The following TSPAN7 variants were observed in gnomAD, a reference collection of about 807,000 sequenced individuals.
TSPAN7 encodes the protein tetraspanin-7.
Under a neutral mutation model 17.6 loss-of-function variants are expected in TSPAN7, and 1 was observed. The ratio of observed to expected loss-of-function variants is 0.06; its 90% CI spans 0.02 to 0.27. TSPAN7 has a LOEUF of 0.27. Among genes scored for constraint, TSPAN7 ranks in the 10% least tolerant of loss-of-function variants. TSPAN7 has a pLI of 1.00. For synonymous variants in TSPAN7, 78 were observed against 79.0 expected, an observed-to-expected ratio of 0.99 and a Z score of 0.07; for missense variants, 112 against 201.7, an observed-to-expected ratio of 0.56 and a Z score of 2.69.
At chrX:38,621,944 C>G (rs767831017) in intron 1 of TSPAN7, among the ~76,000 whole-genome samples, 1 of 112,149 alleles carries the variant, frequency 8.9e-6, no homozygotes, top group Non-Finnish European at 1.9e-5. Context: ...CCAGGGTATG[C>G]TGTATATAAG....
chrX:38,648,467 A>C (rs1156863609), intron 1 of TSPAN7, among the ~76,000 whole-genome samples: 2 of 111,759 alleles, frequency 1.8e-5, no homozygotes, highest in African/African-American at 6.5e-5. Flanking sequence ...TTTATTACTT[A>C]TAGTTGGGAT....
intron 1 of TSPAN7, among the ~76,000 whole-genome samples, chrX:38,650,186 G>C (rs986429952): frequency 8.9e-6 from 1 of 112,082 alleles, no homozygotes; most frequent in Non-Finnish European, 1.9e-5. Flanking sequence ...AAGTGCCAGC[G>C]GCTTGTGCTT....
At chrX:38,667,921 C>T (rs2069793469) in intron 2 of TSPAN7, among the ~76,000 whole-genome samples, 1 of 112,421 alleles carries the variant, frequency 8.9e-6, no homozygotes, top group Admixed American at 9.4e-5. Flanking sequence ...GTAGACTCCT[C>T]AGTGGTGGTG....
intron 5 of TSPAN7, among the ~76,000 whole-genome samples, chrX:38,680,305 G>C (rs1465486745): frequency 9.0e-6 from 1 of 110,573 alleles, no homozygotes; most frequent in Non-Finnish European, 1.9e-5. Context: ...GGGAAAACAT[G>C]GCTGGTTTTT....
At chrX:38,646,474 G>T (rs1232044276) in intron 1 of TSPAN7, among the ~76,000 whole-genome samples, 1 of 112,094 alleles carries the variant, frequency 8.9e-6, no homozygotes, top group Non-Finnish European at 1.9e-5. Flanking sequence ...GTTCTTAGCA[G>T]GGGCATGTCA....
chrX:38,685,736 C>T (rs989042788), intron 6 of TSPAN7, among the ~76,000 whole-genome samples: 1 of 112,056 alleles, frequency 8.9e-6, no homozygotes, highest in African/African-American at 3.2e-5. Context: ...ACAGCATTTA[C>T]ATTGTATTAG....
At chrX:38,562,194 G>C (rs1228555106) in intron 1 of TSPAN7, among the ~76,000 whole-genome samples, 1 of 111,934 alleles carries the variant, frequency 8.9e-6, no homozygotes, top group Non-Finnish European at 1.9e-5. Context: ...GCACGATGGG[G>C]AGCAGGCGTT....
At chrX:38,685,082 C>G (rs1310136263) in intron 6 of TSPAN7, among the ~76,000 whole-genome samples, 1 of 111,745 alleles carries the variant, frequency 8.9e-6, no homozygotes, top group Non-Finnish European at 1.9e-5. Flanking sequence ...GGTCTAAATG[C>G]TGCTAAGGTG....
At chrX:38,664,255 T>TC (rs1169515746) in intron 1 of TSPAN7, among the ~76,000 whole-genome samples, 1 of 111,902 alleles carries the variant, frequency 8.9e-6, no homozygotes, top group Non-Finnish European at 1.9e-5. Context: ...ATATTTTTTT[T>TC]CTCAATGGAA....
chrX:38,602,919 G>T lies in TSPAN7; in HGVS notation c.81+41292G>T, dbSNP rs192017076. Among the ~76,000 whole-genome samples the T allele has an allele frequency of 7.2e-5, 8 of 111,832 alleles. No individual in the cohort carries two copies. In the South Asian group the frequency reaches 2.6e-3, roughly 37 times the overall value. On this transcript the variant is annotated intron_variant, in intron 1 of 7. Transcript: ENST00000378482. Reference sequence around the variant, plus strand: ...CCTTGAGCTGAGTATTCGGGAATAAGTGGATATTCTGTACTACCGAACTAT... The same window carrying T: ...CCTTGAGCTGAGTATTCGGGAATAATTGGATATTCTGTACTACCGAACTAT...
chrX:38,631,594 GA>G (rs1397321549), intron 1 of TSPAN7, among the ~76,000 whole-genome samples: 1 of 111,363 alleles, frequency 9.0e-6, no homozygotes, highest in Non-Finnish European at 1.9e-5. Context: ...AACAGAAACA[GA>G]CAGCTATGGA....
intron 1 of TSPAN7, among the ~76,000 whole-genome samples, chrX:38,638,764 T>C (rs1302183375): frequency 8.9e-6 from 1 of 111,809 alleles, no homozygotes; most frequent in Non-Finnish European, 1.9e-5. Flanking sequence ...ACTCATGGGC[T>C]TCAGATTTTT....
At chrX:38,649,689 A>C (rs1346242531) in intron 1 of TSPAN7, among the ~76,000 whole-genome samples, 2 of 111,879 alleles carry the variant, frequency 1.8e-5, no homozygotes, top group Non-Finnish European at 3.8e-5. Context: ...TAATAGGTCT[A>C]TCACCACAGT....
intron 1 of TSPAN7, among the ~76,000 whole-genome samples, chrX:38,663,082 G>A (rs1024101196): frequency 3.7e-5 from 4 of 109,519 alleles, no homozygotes; most frequent in South Asian, 4.0e-4. Flanking sequence ...AGCACGATTC[G>A]CAATTGCAAA....
At chrX:38,581,103 C>T (rs771171103) in intron 1 of TSPAN7, among the ~76,000 whole-genome samples, 64 of 112,240 alleles carry the variant, frequency 5.7e-4, no homozygotes, top group Middle Eastern at 4.6e-3. Flanking sequence ...TTTTTGCTAT[C>T]GTCCCAGCTC....
intron 1 of TSPAN7, among the ~76,000 whole-genome samples, chrX:38,651,114 G>T (rs1329262919): frequency 9.2e-6 from 1 of 108,821 alleles, no homozygotes; most frequent in Non-Finnish European, 1.9e-5. Context: ...CTTTTTCAGG[G>T]AGCAGATGAC....
At chrX:38,652,982 C>T (rs932258310) in intron 1 of TSPAN7, among the ~76,000 whole-genome samples, 1 of 112,067 alleles carries the variant, frequency 8.9e-6, no homozygotes, top group African/African-American at 3.2e-5. Context: ...GAACTCAGCC[C>T]TTGGCCTTGA....
At chrX:38,636,198 C>A (rs1053076233) in intron 1 of TSPAN7, among the ~76,000 whole-genome samples, 2 of 110,632 alleles carry the variant, frequency 1.8e-5, no homozygotes, top group Non-Finnish European at 3.8e-5. Flanking sequence ...CTAAGTATAC[C>A]TGCCCTGTCC....
intron 5 of TSPAN7, among the ~76,000 whole-genome samples, chrX:38,680,464 A>G (rs1296965611): frequency 2.7e-5 from 3 of 109,688 alleles, no homozygotes; most frequent in Admixed American, 9.7e-5. Context: ...GAAAAAGACC[A>G]TGTCTTCCTA....
Sources: gnomAD v4.1 joint callset for allele counts (sites outside exome capture counted in the v4.1 genomes callset) on GRCh38, gnomAD v4.1.1 for gene constraint, MANE v1.5 for transcripts, NCBI Gene and HGNC (gene_info 2026-07-23, HGNC 2026-07-21) for gene names.